DEPDC5: variants seen among roughly 807,000 people sequenced by gnomAD.
DEPDC5 encodes the protein GATOR1 complex protein DEPDC5.
DEPDC5 carries 73 observed loss-of-function variants against 217.3 expected under a neutral mutation model. The observed-to-expected ratio is 0.34, with a 90% CI of 0.28 to 0.41. The LOEUF is 0.41. Ranked by LOEUF, DEPDC5 falls within the 10% of genes least tolerant of loss-of-function variation. The pLI is 1.00. For synonymous variants in DEPDC5, 733 were observed against 756.7 expected (o/e 0.97, Z 0.51); for missense variants, 1,675 against 2,070.1 (o/e 0.81, Z 3.70).
rs187980370 is a variant in DEPDC5, at chr22:31,786,073, G to A, written c.624+1198G>A. 2.5e-3 allele frequency among the ~76,000 whole-genome samples: 377 copies of A among 151,982 alleles called. 3 individuals are homozygous for A. The highest frequency in any genetic ancestry group is 8.2e-3 in the African/African-American group (340 of 41,474). ...GGAGTTTGAGACCAGTCTGGCCAACGTCATGAAACCCTGTCTCTACTAAAA... is the reference window on the plus strand; with the variant it reads ...GGAGTTTGAGACCAGTCTGGCCAACATCATGAAACCCTGTCTCTACTAAAA... On this transcript the variant is annotated intron_variant, in intron 10 of 42. Coordinates refer to ENST00000651528, the MANE Select transcript of DEPDC5 (RefSeq NM_001242896.3).
At chr22:31,778,283 A>T in intron 8 of DEPDC5, 115 bp downstream of exon 8, 1 of 1,044,214 alleles carries the variant, frequency 9.6e-7, no homozygotes, top group Non-Finnish European at 1.4e-6. Flanking sequence ...AGATTGCTTT[A>T]TCCCAGGAGT....
intron 27 of DEPDC5, among the ~76,000 whole-genome samples, chr22:31,840,263 G>C (rs2091310587): frequency 6.6e-6 from 1 of 152,176 alleles, no homozygotes; most frequent in East Asian, 1.9e-4. Flanking sequence ...GAGTTACCAG[G>C]AGCGGCAGGT....
In DEPDC5 at chr22:31,802,841, A is replaced by G; in HGVS notation, c.1081+3A>G. ...CAAGCAGCGGATGATAGATAATGGT[A>G]ATGCTCTCTGGTTTGTGCCCTGTCT... On this transcript the variant is annotated splice_donor_region_variant and intron_variant, in intron 15 of 42. Coordinates refer to ENST00000651528, the MANE Select transcript of DEPDC5 (RefSeq NM_001242896.3). The G allele has an allele frequency of 1.3e-6, 2 of 1,596,126 alleles. No homozygotes were observed. The highest frequency in any genetic ancestry group is 1.7e-6 in the Non-Finnish European group (2 of 1,171,742).
intron 40 of DEPDC5, among the ~76,000 whole-genome samples, chr22:31,900,758 G>A (rs2093634296): frequency 6.6e-6 from 1 of 151,794 alleles, no homozygotes; most frequent in South Asian, 2.1e-4. Flanking sequence ...AAAAAAAAGT[G>A]GGGGTAGTAG....
intron 2 of DEPDC5, among the ~76,000 whole-genome samples, chr22:31,757,871 C>G (rs1448742742): frequency 6.6e-6 from 1 of 152,130 alleles, no homozygotes; most frequent in African/African-American, 2.4e-5. Flanking sequence ...TCAAGTGATT[C>G]TCCTGCCTCA....
At chr22:31,814,770 A>G (rs1808977579) in intron 20 of DEPDC5, 2 of 569,950 alleles carry the variant, frequency 3.5e-6, no homozygotes, top group African/African-American at 1.9e-5. Context: ...CTATGATCCT[A>G]GGACTTTGGC....
rs376744360 is a variant in DEPDC5 at position 31,846,904 on chromosome 22, C to T, written c.3092C>T (p.Pro1031Leu). 1.9e-6 allele frequency: 3 copies of T among 1,614,090 alleles called. No homozygotes were observed. Among genetic ancestry groups the T allele is most frequent in the Non-Finnish European group, 2.5e-6 (3 of 1,180,054 alleles). The change falls in exon 31 of 43, where the codon CCC becomes CTC. Residue 1031 changes from proline (P) to leucine (L), a missense_variant. Pro to Leu is a moderately conservative substitution (Grantham distance 98). Coordinates refer to ENST00000651528, the MANE Select transcript of DEPDC5 (RefSeq NM_001242896.3). ...ISTHSLESTAPPVGKKGTSAL... is the reference protein window; with the variant it reads ...ISTHSLESTALPVGKKGTSAL... Reference sequence around the variant, plus strand: ...ACGCATTCTCTGGAGTCAACTGCACCCCCAGTGGGGAAGAAGGGAACCTCA... The same window carrying T: ...ACGCATTCTCTGGAGTCAACTGCACTCCCAGTGGGGAAGAAGGGAACCTCA...
chr22:31,880,583 G>A (rs1300089258), intron 38 of DEPDC5, among the ~76,000 whole-genome samples: 2 of 152,230 alleles, frequency 1.3e-5, no homozygotes, highest in Admixed American at 6.5e-5. Context: ...CTGGTAAAAC[G>A]GAGATGTTAA....
chr22:31,904,636 G>C (rs1203207135), intron 41 of DEPDC5, among the ~76,000 whole-genome samples: 1 of 152,174 alleles, frequency 6.6e-6, no homozygotes, highest in Non-Finnish European at 1.5e-5. Flanking sequence ...CTAGCTACTT[G>C]GGAGGCTGGA....
chr22:31,767,631 C>G (rs1238072390), intron 6 of DEPDC5, among the ~76,000 whole-genome samples: 2 of 151,770 alleles, frequency 1.3e-5, no homozygotes, highest in African/African-American at 4.8e-5. Context: ...GGGGTTTCAC[C>G]ATGTTGGCCA....
chr22:31,821,743 A>G (rs1175813994), intron 23 of DEPDC5, 106 bp downstream of exon 23: 1 of 1,506,578 alleles, frequency 6.6e-7, no homozygotes, highest in Non-Finnish European at 9.0e-7. Flanking sequence ...GAAGACTTGA[A>G]AAGACAGTAT....
At chr22:31,772,776 A>T (rs983989144) in intron 7 of DEPDC5, among the ~76,000 whole-genome samples, 1 of 149,842 alleles carries the variant, frequency 6.7e-6, no homozygotes, top group Non-Finnish European at 1.5e-5. Context: ...TTTAAATTAT[A>T]TATATATTAT....
chr22:31,849,988 G>C (rs929861020), intron 31 of DEPDC5, among the ~76,000 whole-genome samples: 1 of 151,516 alleles, frequency 6.6e-6, no homozygotes, highest in Admixed American at 6.6e-5. Flanking sequence ...GCATGGTGGC[G>C]CATGCCTGTA....
intron 24 of DEPDC5, chr22:31,826,387 G>A: frequency 2.8e-6 from 1 of 361,648 alleles, no homozygotes; most frequent in Non-Finnish European, 5.4e-6. Context: ...TCAACAAATA[G>A]GAGCTGTTGT....
intron 24 of DEPDC5, among the ~76,000 whole-genome samples, chr22:31,827,148 G>A (rs2090215256): frequency 6.6e-6 from 1 of 152,054 alleles, no homozygotes; most frequent in South Asian, 2.1e-4. Flanking sequence ...ATATTGTTAA[G>A]TGGGGTCATC....
At chr22:31,784,019 G>A in intron 9 of DEPDC5, 34 bp downstream of exon 9, 3 of 1,567,230 alleles carry the variant, frequency 1.9e-6, no homozygotes, top group Non-Finnish European at 2.6e-6. Flanking sequence ...TAACTGCTAA[G>A]GGGAGAATTT....
chr22:31,778,398 G>T (rs1166584621), intron 8 of DEPDC5, among the ~76,000 whole-genome samples: 1 of 152,048 alleles, frequency 6.6e-6, no homozygotes, highest in Admixed American at 6.6e-5. Context: ...TGAGGTGGAA[G>T]AATTACCGGG....
chr22:31,864,170 G>C (rs1016655304), intron 33 of DEPDC5, among the ~76,000 whole-genome samples: 1 of 150,120 alleles, frequency 6.7e-6, no homozygotes, highest in South Asian at 2.1e-4. Context: ...GTACAATGGC[G>C]CAGTCTCTGC....
intron 38 of DEPDC5, among the ~76,000 whole-genome samples, chr22:31,889,541 C>CT (rs136874): frequency 0.021 from 2,107 of 99,480 alleles, 54 homozygotes; most frequent in African/African-American, 0.053. Flanking sequence ...GGCAAAACTT[C>CT]TTTTTTTTTT....
Sources: gnomAD v4.1 joint callset for allele counts (sites outside exome capture counted in the v4.1 genomes callset) on GRCh38, gnomAD v4.1.1 for gene constraint, MANE v1.5 for transcripts, NCBI Gene and HGNC (gene_info 2026-07-23, HGNC 2026-07-21) for gene names.